Variants in ACVRL1 observed in about 807,000 individuals in gnomAD.
The protein encoded by ACVRL1 is activin A receptor like type 1, also known as activin receptor type-1-like.
ACVRL1 carries 20 observed loss-of-function variants against 51.9 expected under a neutral mutation model. The observed-to-expected ratio is 0.39, with a 90% CI of 0.27 to 0.56. The LOEUF is 0.56. Among genes scored for constraint, ACVRL1 ranks in the 20% least tolerant of loss-of-function variants. The pLI, the probability that ACVRL1 is intolerant of heterozygous loss-of-function variation, is 0.67. For missense variants in ACVRL1, 451 were observed against 670.3 expected (o/e 0.67, Z 3.61); for synonymous variants, 288 against 280.9 (o/e 1.03, Z -0.25).
chr12:51,915,820 C>A, intron 7 of ACVRL1: 2 of 645,342 alleles, frequency 3.1e-6, no homozygotes, highest in Non-Finnish European at 2.6e-6. Flanking sequence ...CCACTCACAT[C>A]TCGCTGGGTT....
chr12:51,909,535 AC>A lies in ACVRL1; in HGVS notation c.-6+1841del, dbSNP rs559122685. Reference sequence around the variant, plus strand: ...AAACAAAAACGCTGTCTTCATTTAAACAAATCTGAGTAGGGCACCCGTTAAT... The same window carrying A: ...AAACAAAAACGCTGTCTTCATTTAAAAAATCTGAGTAGGGCACCCGTTAAT... On this transcript the variant is annotated intron_variant, in intron 1 of 9. Transcript: ENST00000388922. Among the ~76,000 whole-genome samples the A allele has an allele frequency of 1.3e-3, 194 of 152,226 alleles. 1 individual carries two copies. Among genetic ancestry groups the A allele is most frequent in the Middle Eastern group, 6.8e-3 (2 of 294 alleles).
intron 9 of ACVRL1, 34 bp downstream of exon 9, chr12:51,919,149 G>C: frequency 6.2e-7 from 1 of 1,613,460 alleles, no homozygotes; most frequent in Non-Finnish European, 8.5e-7. Context: ...ATGGCGTGGG[G>C]TGGTGGCTCA....
Position 51,913,957 on chromosome 12 carries a change from C to T in ACVRL1, c.526-17C>T, listed in dbSNP as rs1321182359. 2 of 1,611,308 alleles carry T rather than the reference C, an allele frequency of 1.2e-6. No homozygotes were observed. Among genetic ancestry groups the T allele is most frequent in the Non-Finnish European group, 8.5e-7 (1 of 1,178,936 alleles). On this transcript the variant is annotated splice_polypyrimidine_tract_variant and intron_variant, in intron 4 of 9. Transcript: ENST00000388922. Reference sequence around the variant, plus strand: ...GCTGGTTGTGGCAGCCTCTCAGTGGCCTCTCCGTACCCCCAGGACCTCCTG... The same window carrying T: ...GCTGGTTGTGGCAGCCTCTCAGTGGTCTCTCCGTACCCCCAGGACCTCCTG...
chr12:51,914,588 A>G lies in ACVRL1; in HGVS notation c.772+3A>G. ...GCTCAGACACGACAACATCCTAGGC[A>G]AGGGGAGAGGCCAGCTGTGCCAGGC... is the stretch of plus-strand genomic sequence containing the variant. On this transcript the variant is annotated splice_donor_region_variant and intron_variant, in intron 6 of 9. Transcript: ENST00000388922. 1 of 1,611,288 alleles carries G rather than the reference A, an allele frequency of 6.2e-7. No individual in the cohort carries two copies. The highest frequency in any genetic ancestry group is 8.5e-7 in the Non-Finnish European group (1 of 1,178,662).
Position 51,913,120 on chromosome 12 carries a change from G to A in ACVRL1, c.83G>A (p.Arg28Gln), listed in dbSNP as rs767447976. The change falls in exon 3 of 10, where the codon CGG (arginine) becomes CAG (glutamine). Residue 28 changes from arginine (R) to glutamine (Q), a missense_variant. Arg to Gln is a conservative substitution (Grantham distance 43, BLOSUM62 1). This residue lies in a region of ACVRL1 where 192 missense variants were observed against 216.9 expected (regional missense o/e 0.89). Transcript: ENST00000388922. ...VTQGDPVKPS[R>Q]GPLVTCTCES... ...CCAGGAGACCCTGTGAAGCCGTCTC[G>A]GGGCCCGCTGGTGACCTGCACGTGT... 2.5e-6 allele frequency: 4 copies of A among 1,605,650 alleles called. No individual in the cohort carries two copies. The highest frequency in any genetic ancestry group is 1.3e-5 in the African/African-American group (1 of 74,832).
At chr12:51,913,813 G>T (rs1452327422) in intron 4 of ACVRL1, 43 bp downstream of exon 4, 1 of 1,603,492 alleles carries the variant, frequency 6.2e-7, no homozygotes, top group East Asian at 2.2e-5. Context: ...AGGAGGGGCA[G>T]ATAGGAACTG....
intron 9 of ACVRL1, among the ~76,000 whole-genome samples, chr12:51,919,922 T>C (rs1333005051): frequency 6.6e-6 from 1 of 152,210 alleles, no homozygotes; most frequent in East Asian, 1.9e-4. Context: ...CACCCTTATG[T>C]CCCTATTACC....
At position 51,918,891 on chromosome 12, in the gene ACVRL1, GC is replaced by G. The variant is rs1940903678; in HGVS notation, c.1247-91del. On this transcript the variant is annotated intron_variant, in intron 8 of 9. Transcript: ENST00000388922. ...AGCGTGTCCAGGCCACTGGTTTCTG[GC>G]CCTTGGATAGAGGGTAGAAAAGGCT... is the stretch of plus-strand genomic sequence containing the variant. 1.9e-6 allele frequency: 3 copies of G among 1,594,134 alleles called. No homozygotes were observed. The East Asian group carries it at 6.7e-5, about 36-fold the overall frequency.
At chr12:51,913,465 G>GGGGGGGGGGGGGC in intron 3 of ACVRL1, 94 bp from the exon 4 acceptor site, 2 of 1,317,456 alleles carry the variant, frequency 1.5e-6, no homozygotes, top group Non-Finnish European at 2.1e-6. Context: ...GAGCGGGTGG[G>GGGGGGGGGGGGGC]CAGGACTCTG....
chr12:51,913,441 G>A, intron 3 of ACVRL1, 91 bp downstream of exon 3: 5 of 1,545,452 alleles, frequency 3.2e-6, no homozygotes, highest in African/African-American at 2.7e-5. Flanking sequence ...CCAATAAAGG[G>A]GCTGGGGGCG....
intron 5 of ACVRL1, 81 bp downstream of exon 5, chr12:51,914,154 A>C: frequency 6.8e-7 from 1 of 1,477,206 alleles, no homozygotes; most frequent in South Asian, 1.2e-5. Flanking sequence ...TGGCTACTGG[A>C]ATCACAGGCG....
At chr12:51,912,163 GC>G (rs757677336) in intron 1 of ACVRL1, among the ~76,000 whole-genome samples, 8 of 152,180 alleles carry the variant, frequency 5.3e-5, no homozygotes, top group Non-Finnish European at 1.0e-4. Flanking sequence ...GCTCCCTGCG[GC>G]TCTCCCAACC....
chr12:51,919,152 G>C, intron 9 of ACVRL1, 37 bp downstream of exon 9: 2 of 1,613,378 alleles, frequency 1.2e-6, no homozygotes, highest in Non-Finnish European at 1.7e-6. Flanking sequence ...GCGTGGGGTG[G>C]TGGCTCATGG....
In ACVRL1 at chr12:51,913,599, G is replaced by A; in HGVS notation, c.354G>A (p.Gln118=). The change falls in exon 4 of 10, where the codon CAG becomes CAA. Residue 118 remains glutamine (Q), a synonymous_variant. Coordinates refer to ENST00000388922, the MANE Select transcript of ACVRL1 (RefSeq NM_000020.3). ...CGGAGCAGCCGGGAACAGATGGCCA[G>A]CTGGCCCTGATCCTGGGCCCCGTGC... is the stretch of plus-strand genomic sequence containing the variant. ...PPSEQPGTDG[Q]LALILGPVLA... 1 of 1,600,966 alleles carries A rather than the reference G, an allele frequency of 6.2e-7. No homozygotes were observed. Among genetic ancestry groups the A allele is most frequent in the Non-Finnish European group, 8.5e-7 (1 of 1,179,886 alleles).
chr12:51,916,644 C>T (rs1199040550), intron 8 of ACVRL1, among the ~76,000 whole-genome samples: 3 of 152,184 alleles, frequency 2.0e-5, no homozygotes, highest in African/African-American at 7.2e-5. Context: ...TTGCCATGAC[C>T]GTGCGTAGGT....
In ACVRL1 at chr12:51,914,553, A is replaced by T. The variant is rs935172354; in HGVS notation, c.740A>T (p.Asn247Ile). 6.2e-7 allele frequency: 1 copy of T among 1,613,760 alleles called. No individual in the cohort carries two copies. The highest frequency in any genetic ancestry group is 1.3e-5 in the African/African-American group (1 of 74,982). Residue 247 changes from asparagine (N) to isoleucine (I), a missense_variant, in exon 6 of 10, where the codon AAC becomes ATC. Around this residue, in one of 2 missense-constraint regions of ACVRL1, gnomAD observed 259 missense variants for 453.4 expected, o/e 0.57. Coordinates refer to ENST00000388922, the MANE Select transcript of ACVRL1 (RefSeq NM_000020.3). ...QSWFRETEIYNTVLLRHDNIL... is the reference protein window; with the variant it reads ...QSWFRETEIYITVLLRHDNIL... ...TGGTTCCGGGAGACTGAGATCTATAACACAGTGTTGCTCAGACACGACAAC... is the reference window on the plus strand; with the variant it reads ...TGGTTCCGGGAGACTGAGATCTATATCACAGTGTTGCTCAGACACGACAAC...
At chr12:51,916,335 A>G in intron 8 of ACVRL1, 102 bp downstream of exon 8, 1 of 1,306,322 alleles carries the variant, frequency 7.7e-7, no homozygotes, top group African/African-American at 1.5e-5. Context: ...GTTTGCAGTC[A>G]GACCTCCTGG....
At chr12:51,913,374 C>T (rs780907236) in intron 3 of ACVRL1, 24 bp downstream of exon 3, 2 of 1,609,082 alleles carry the variant, frequency 1.2e-6, no homozygotes, top group Admixed American at 3.4e-5. Flanking sequence ...CCCTAGCACT[C>T]CCTCCCCATC....
At position 51,921,009 on chromosome 12, in the gene ACVRL1, C is replaced by A; in HGVS notation, c.*116C>A. The A allele has an allele frequency of 8.0e-7, 1 of 1,252,492 alleles. No individual in the cohort carries two copies. The highest frequency in any genetic ancestry group is 1.1e-6 in the Non-Finnish European group (1 of 891,332). 77.6% of individuals were successfully genotyped at this position (1,252,492 alleles called of 1,614,324 possible). On this transcript the variant is annotated 3_prime_UTR_variant, in exon 10 of 10. Transcript: ENST00000388922. ...TGTGGTGTGTGCTGGGGATGGGCAG[C>A]TGCGCCTGCCTGCTCGGCCCCCAGC...
Sources: allele counts gnomAD v4.1 joint callset (sites outside exome capture counted in the v4.1 genomes callset), GRCh38; gene constraint gnomAD v4.1.1; regional missense constraint gnomAD v4.1.1; transcripts MANE v1.5; gene names NCBI Gene and HGNC (gene_info 2026-07-23, HGNC 2026-07-21).